ASIC2: variants seen among roughly 807,000 people sequenced by gnomAD.
ASIC2 encodes the protein acid sensing ion channel subunit 2, also known as acid-sensing ion channel 2.
A neutral mutation model predicts 57.3 loss-of-function variants in ASIC2; 25 were observed. The ratio of observed to expected loss-of-function variants is 0.44; its 90% CI spans 0.32 to 0.61. ASIC2 has a LOEUF of 0.61. Among genes scored for constraint, ASIC2 ranks in the 20% least tolerant of loss-of-function variants. The pLI is 0.06. For synonymous variants in ASIC2, 319 were observed against 307.5 expected, an observed-to-expected ratio of 1.04 and a Z score of -0.39; for missense variants, 641 against 738.1, an observed-to-expected ratio of 0.87 and a Z score of 1.52.
chr17:33,512,635 A>G (rs372485229), intron 1 of ASIC2, among the ~76,000 whole-genome samples: 9 of 152,212 alleles, frequency 5.9e-5, no homozygotes, highest in African/African-American at 2.2e-4. Flanking sequence ...CATCACGTCT[A>G]CACTCCTGCT....
At chr17:33,148,829 C>T (rs1904667931) in intron 1 of ASIC2, among the ~76,000 whole-genome samples, 1 of 152,190 alleles carries the variant, frequency 6.6e-6, no homozygotes, top group African/African-American at 2.4e-5. Flanking sequence ...TGCGCTGGCT[C>T]ACACCTGTAA....
chr17:33,781,869 T>C (rs1345922004), intron 1 of ASIC2, among the ~76,000 whole-genome samples: 1 of 152,178 alleles, frequency 6.6e-6, no homozygotes, highest in Non-Finnish European at 1.5e-5. Context: ...CGTCAGAAAT[T>C]CCTTTTGACT....
chr17:34,151,175 T>A (rs1904512619), intron 1 of ASIC2, among the ~76,000 whole-genome samples: 1 of 151,856 alleles, frequency 6.6e-6, no homozygotes, highest in Non-Finnish European at 1.5e-5. Context: ...CTGGGTTTAT[T>A]CCAGGAACAG....
intron 1 of ASIC2, among the ~76,000 whole-genome samples, chr17:33,407,380 T>A (rs1217439956): frequency 6.6e-6 from 1 of 152,246 alleles, no homozygotes; most frequent in African/African-American, 2.4e-5. Context: ...GGCACTCATA[T>A]AATAACAACC....
rs374618557 is a variant in ASIC2, at chr17:33,032,166, A to C, written c.988-3774T>G. ...ATGTTGTTCTTTGTTTCCTATTTGT[A>C]CCGATTTCTAGTTCTCCTTTTGTTC... On this transcript the variant is annotated intron_variant, in intron 3 of 9. Transcript: ENST00000225823. 4.7e-4 allele frequency among the ~76,000 whole-genome samples: 72 copies of C among 152,078 alleles called. 1 individual carries two copies. In the East Asian group the frequency reaches 8.7e-3, roughly 18 times the overall value.
chr17:33,262,498 T>C lies in ASIC2; in HGVS notation c.708+28910A>G, dbSNP rs1909321500. Among the ~76,000 whole-genome samples, 6 of 151,706 alleles carry C rather than the reference T, an allele frequency of 4.0e-5. No individual in the cohort carries two copies. The South Asian group carries it at 1.2e-3, about 32-fold the overall frequency. On this transcript the variant is annotated intron_variant, in intron 1 of 9. Coordinates refer to ENST00000225823, the MANE Select transcript of ASIC2 (RefSeq NM_183377.2). ...GAGGGAAAAGGAAGGGAAGGATGAA[T>C]ATATAGTCTGTAATTGCTCAAATGC...
intron 1 of ASIC2, among the ~76,000 whole-genome samples, chr17:33,259,690 G>A (rs1909210733): frequency 6.6e-6 from 1 of 152,138 alleles, no homozygotes; most frequent in South Asian, 2.1e-4. Flanking sequence ...ATGATCACAC[G>A]ATCCCTAGTA....
At chr17:33,165,483 G>A (rs1317673057) in intron 1 of ASIC2, among the ~76,000 whole-genome samples, 1 of 152,134 alleles carries the variant, frequency 6.6e-6, no homozygotes, top group Non-Finnish European at 1.5e-5. Flanking sequence ...GCATGCGTGT[G>A]TGTGTGTGTA....
chr17:34,048,118 T>C (rs1908408481), intron 1 of ASIC2, among the ~76,000 whole-genome samples: 1 of 152,180 alleles, frequency 6.6e-6, no homozygotes, highest in Admixed American at 6.5e-5. Context: ...GTCCACACTT[T>C]GATTTATGGA....
chr17:33,596,564 C>T (rs527275559), intron 1 of ASIC2, among the ~76,000 whole-genome samples: 5 of 152,316 alleles, frequency 3.3e-5, no homozygotes, highest in East Asian at 3.9e-4. Context: ...TCAGCGCCCC[C>T]GGCCTTGGTG....
chr17:33,426,277 G>A (rs1911217191), intron 1 of ASIC2, among the ~76,000 whole-genome samples: 1 of 152,188 alleles, frequency 6.6e-6, no homozygotes, highest in Non-Finnish European at 1.5e-5. Flanking sequence ...AGGCTGCCTG[G>A]CAGCATCCTC....
rs559130472 is a variant in ASIC2 at position 33,751,227 on chromosome 17, G to A, written c.555+404751C>T. 1.1e-4 allele frequency among the ~76,000 whole-genome samples: 16 copies of A among 152,320 alleles called. No individual in the cohort carries two copies. The South Asian group carries it at 2.5e-3, about 24-fold the overall frequency. On this transcript the variant is annotated intron_variant, in intron 1 of 9. Coordinates refer to the ASIC2 transcript ENST00000359872. ...CCTATCATTAATCAGATGCCTGCAGGAGACGGCTCATAGCTTGCTGCTACC... is the reference window on the plus strand; with the variant it reads ...CCTATCATTAATCAGATGCCTGCAGAAGACGGCTCATAGCTTGCTGCTACC...
intron 1 of ASIC2, among the ~76,000 whole-genome samples, chr17:33,606,240 G>A (rs1273002231): frequency 1.3e-5 from 2 of 152,326 alleles, no homozygotes; most frequent in Middle Eastern, 6.8e-3. Context: ...CGAGATGCCA[G>A]GAGGACAATG....
chr17:33,375,810 T>A (rs1381911241), intron 1 of ASIC2, among the ~76,000 whole-genome samples: 1 of 152,162 alleles, frequency 6.6e-6, no homozygotes, highest in African/African-American at 2.4e-5. Context: ...GAGCCAAAGA[T>A]GAATTCCAAG....
intron 1 of ASIC2, among the ~76,000 whole-genome samples, chr17:33,520,366 C>T (rs535770002): frequency 6.0e-4 from 92 of 152,278 alleles, no homozygotes; most frequent in African/African-American, 1.7e-3. Flanking sequence ...CGCTCTTTGG[C>T]CAGTGTTTGT....
intron 2 of ASIC2, among the ~76,000 whole-genome samples, chr17:33,108,948 T>A (rs2092246037): frequency 6.6e-6 from 1 of 152,208 alleles, no homozygotes; most frequent in Admixed American, 6.5e-5. Flanking sequence ...AGAAGCTGTT[T>A]TCAAATATAC....
At chr17:33,772,359 A>T (rs1352007531) in intron 1 of ASIC2, among the ~76,000 whole-genome samples, 1 of 152,138 alleles carries the variant, frequency 6.6e-6, no homozygotes, top group Non-Finnish European at 1.5e-5. Flanking sequence ...TTAGCCAATC[A>T]TATTTCTACA....
At chr17:33,675,600 G>A (rs189394592) in intron 1 of ASIC2, among the ~76,000 whole-genome samples, 1 of 152,064 alleles carries the variant, frequency 6.6e-6, no homozygotes, top group Non-Finnish European at 1.5e-5. Flanking sequence ...TTGATACAGG[G>A]TCTCTGGGTC....
intron 1 of ASIC2, chr17:34,146,885 G>A (rs1912436182): frequency 6.6e-6 from 1 of 152,210 alleles, no homozygotes; most frequent in South Asian, 2.1e-4. Context: ...CAAACTTTGA[G>A]TCAGAATGAT....
Sources: allele counts gnomAD v4.1 joint callset (sites outside exome capture counted in the v4.1 genomes callset), GRCh38; gene constraint gnomAD v4.1.1; transcripts MANE v1.5; gene names NCBI Gene and HGNC (gene_info 2026-07-23, HGNC 2026-07-21).